Variants in CEP126 observed in about 807,000 individuals in gnomAD.
The protein encoded by CEP126 is centrosomal protein 126, also known as centrosomal protein of 126 kDa.
A neutral mutation model predicts 107.8 loss-of-function variants in CEP126; 74 were observed. The observed-to-expected ratio is 0.69, with a 90% CI of 0.57 to 0.83. The LOEUF (loss-of-function observed/expected upper bound fraction) is 0.83, where lower values mean the gene tolerates loss of function less well. Ranked by LOEUF, CEP126 falls within the 40% of genes least tolerant of loss-of-function variation. The probability of loss-of-function intolerance (pLI) is 0.00; values close to 1 mark genes in which losing one functional copy is unlikely to be tolerated. For missense variants in CEP126, 1,237 were observed against 1,281.9 expected (o/e 0.96, Z 0.53); for synonymous variants, 449 against 446.0 (o/e 1.01, Z -0.08).
chr11:101,948,218 T>A (rs1052305519), intron 4 of CEP126, 76 bp downstream of exon 4: 3 of 773,460 alleles, frequency 3.9e-6, no homozygotes, highest in Admixed American at 4.5e-5. Context: ...TTGTCAGCTT[T>A]TTCATCAGCT....
At chr11:101,958,067 A>G in intron 4 of CEP126, 101 bp from the exon 5 acceptor site, 1 of 961,060 alleles carries the variant, frequency 1.0e-6, no homozygotes, top group Non-Finnish European at 1.6e-6. Context: ...GGTTATCTGG[A>G]CAAACACACA....
chr11:101,982,480 A>C (rs987242058), intron 8 of CEP126, among the ~76,000 whole-genome samples: 2 of 152,106 alleles, frequency 1.3e-5, no homozygotes, highest in African/African-American at 4.8e-5. Context: ...TATACCTTTC[A>C]TTAATATTAT....
At chr11:101,933,126 T>A (rs1017096713) in intron 2 of CEP126, among the ~76,000 whole-genome samples, 1 of 152,190 alleles carries the variant, frequency 6.6e-6, no homozygotes, top group Admixed American at 6.5e-5. Context: ...ACAGTTAAAA[T>A]GCAATTAATT....
In CEP126 at chr11:101,962,150, C is replaced by G. The variant is rs369939612; in HGVS notation, c.1115C>G (p.Ser372Cys). Residue 372 changes from serine (S) to cysteine (C), a missense_variant, in exon 6 of 11, where the codon TCT (serine) becomes TGT (cysteine). Ser to Cys is a moderately radical substitution (Grantham distance 112). Coordinates refer to ENST00000263468, the MANE Select transcript of CEP126 (RefSeq NM_020802.4). ...GCTAATAATTCAGTACCCTTTGTAT[C>G]TAGCCCACCCATGTTTGTACTAGAT... ...NTANNSVPFV[S>C]SPPMFVLDKK... is the part of the protein sequence containing the mutation. The G allele has an allele frequency of 3.7e-6, 6 of 1,613,014 alleles. No homozygotes were observed. The highest frequency in any genetic ancestry group is 3.3e-5 in the Admixed American group (2 of 59,840).
intron 2 of CEP126, among the ~76,000 whole-genome samples, chr11:101,930,404 A>T (rs1940478847): frequency 6.6e-6 from 1 of 152,106 alleles, no homozygotes; most frequent in South Asian, 2.1e-4. Context: ...TTTTTATTGT[A>T]TTGTTGTGTC....
intron 6 of CEP126, among the ~76,000 whole-genome samples, chr11:101,976,218 T>C (rs561949877): frequency 1.3e-5 from 2 of 152,330 alleles, no homozygotes; most frequent in East Asian, 3.9e-4. Context: ...AGTATTCCCT[T>C]TTCTTTACAA....
intron 2 of CEP126, among the ~76,000 whole-genome samples, chr11:101,939,546 G>T (rs1044307622): frequency 6.6e-5 from 10 of 152,186 alleles, no homozygotes; most frequent in Non-Finnish European, 1.5e-4. Context: ...GTCAGAAACT[G>T]TGAAGGGTCT....
In CEP126 at chr11:101,962,794, C is replaced by A; in HGVS notation, c.1759C>A (p.His587Asn). 6.2e-7 allele frequency: 1 copy of A among 1,602,534 alleles called. No individual in the cohort carries two copies. The highest frequency in any genetic ancestry group is 8.5e-7 in the Non-Finnish European group (1 of 1,176,272). Reference protein sequence around the residue: ...SILKKESKYEHGYLKALIINQ... With the variant: ...SILKKESKYENGYLKALIINQ... ...TTTAAAGAAAGAATCTAAATATGAACATGGTTATCTTAAGGCATTAATTAT... is the reference window on the plus strand; with the variant it reads ...TTTAAAGAAAGAATCTAAATATGAAAATGGTTATCTTAAGGCATTAATTAT... Residue 587 changes from histidine (H) to asparagine (N), a missense_variant, in exon 6 of 11, where the codon CAT becomes AAT. Physicochemically the swap from His to Asn is moderately conservative, Grantham distance 68 (BLOSUM62 1). This residue lies in a region of CEP126 where 1,134 missense variants were observed against 1,150.5 expected (regional missense o/e 0.99). Coordinates refer to ENST00000263468, the MANE Select transcript of CEP126 (RefSeq NM_020802.4).
rs1476023031 is a variant in CEP126 at position 101,998,913 on chromosome 11, C to T, written c.*1270C>T. ...ATTCAAACTCAGGTTTATCTAGTTC[C>T]AAAACCCATGTTCTTTCTGCCACAC... is the stretch of plus-strand genomic sequence containing the variant. On this transcript the variant is annotated 3_prime_UTR_variant, in exon 11 of 11. Transcript: ENST00000263468. The T allele has an allele frequency of 6.6e-6, 1 of 152,044 alleles. No homozygotes were observed. Among genetic ancestry groups the T allele is most frequent in the Non-Finnish European group, 1.5e-5 (1 of 68,020 alleles). The allele number at this position is 152,044 out of a possible 1,614,324, so 9.4% of individuals were successfully genotyped here. A position where few individuals can be genotyped will look rare whatever the true frequency, so the allele number is the denominator to read the frequency against.
chr11:101,992,937 T>C, intron 10 of CEP126, 95 bp downstream of exon 10: 4 of 1,193,486 alleles, frequency 3.4e-6, no homozygotes, highest in Non-Finnish European at 4.3e-6. Flanking sequence ...TTAATATTAA[T>C]ATTTCTTGGG....
intron 1 of CEP126, among the ~76,000 whole-genome samples, chr11:101,922,377 C>T (rs1388691455): frequency 1.3e-5 from 2 of 151,604 alleles, no homozygotes; most frequent in South Asian, 2.1e-4. Context: ...GTTGGCCAGC[C>T]GGGTCTTGAC....
At chr11:101,923,864 G>A (rs1478507352) in intron 2 of CEP126, among the ~76,000 whole-genome samples, 1 of 152,110 alleles carries the variant, frequency 6.6e-6, no homozygotes, top group African/African-American at 2.4e-5. Context: ...TTTATGATTG[G>A]AATTAATTAC....
At chr11:101,920,521 A>G (rs896314699) in intron 1 of CEP126, among the ~76,000 whole-genome samples, 1 of 152,176 alleles carries the variant, frequency 6.6e-6, no homozygotes, top group Non-Finnish European at 1.5e-5. Flanking sequence ...GATATGCCCT[A>G]CAATCTATAA....
intron 2 of CEP126, among the ~76,000 whole-genome samples, chr11:101,927,498 A>G (rs1331349258): frequency 6.6e-6 from 1 of 152,162 alleles, no homozygotes; most frequent in Non-Finnish European, 1.5e-5. Context: ...CAGTCAAGAA[A>G]TAGAACAGTT....
chr11:101,987,118 A>C lies in CEP126; in HGVS notation c.3244+77A>C. ...AATTTTAATTTAAACTTTAATTTAAAAATTGAAAAGAAAAATACAAAATAT... is the reference window on the plus strand; with the variant it reads ...AATTTTAATTTAAACTTTAATTTAACAATTGAAAAGAAAAATACAAAATAT... On this transcript the variant is annotated intron_variant, in intron 9 of 10. Coordinates refer to ENST00000263468, the MANE Select transcript of CEP126 (RefSeq NM_020802.4). 1.9e-6 allele frequency: 2 copies of C among 1,070,416 alleles called. 1 individual carries two copies. The highest frequency in any genetic ancestry group is 3.1e-5 in the South Asian group (2 of 64,176). The allele number at this position is 1,070,416 out of a possible 1,614,324, so 66.3% of individuals were successfully genotyped here. A position where few individuals can be genotyped will look rare whatever the true frequency, so the allele number is the denominator to read the frequency against.
intron 10 of CEP126, among the ~76,000 whole-genome samples, chr11:101,994,215 A>T (rs1008101112): frequency 1.3e-5 from 2 of 152,382 alleles, no homozygotes; most frequent in Non-Finnish European, 2.9e-5. Flanking sequence ...AGCCTGGGCA[A>T]CAAGAGTGAA....
rs1444090429 is a variant in CEP126, at chr11:101,998,685, G to C, written c.*1042G>C. 2 of 149,748 alleles carry C rather than the reference G, an allele frequency of 1.3e-5. No homozygotes were observed. Among genetic ancestry groups the C allele is most frequent in the African/African-American group, 4.9e-5 (2 of 40,516 alleles). 9.3% of individuals were successfully genotyped at this position (149,748 alleles called of 1,614,324 possible). ...TTTATTAATAACACTACTAAATTTT[G>C]GTTCCTCCATAGAATTAGTTTTGAA... On this transcript the variant is annotated 3_prime_UTR_variant, in exon 11 of 11. Transcript: ENST00000263468.
intron 3 of CEP126, among the ~76,000 whole-genome samples, chr11:101,946,366 G>C (rs1223812268): frequency 6.6e-6 from 1 of 152,010 alleles, no homozygotes; most frequent in East Asian, 1.9e-4. Flanking sequence ...AAATTAGCCA[G>C]GCATGGTAGT....
chr11:101,938,865 T>C (rs1940629131), intron 2 of CEP126, among the ~76,000 whole-genome samples: 1 of 152,176 alleles, frequency 6.6e-6, no homozygotes, highest in Admixed American at 6.5e-5. Flanking sequence ...TTTCTCTAAT[T>C]TCCAGTTATT....
Sources: allele counts gnomAD v4.1 joint callset (sites outside exome capture counted in the v4.1 genomes callset), GRCh38; gene constraint gnomAD v4.1.1; regional missense constraint gnomAD v4.1.1; transcripts MANE v1.5; gene names NCBI Gene and HGNC (gene_info 2026-07-23, HGNC 2026-07-21).